Variants in POLR1D observed in about 807,000 individuals in gnomAD.
POLR1D encodes the protein DNA-directed RNA polymerases I and III subunit RPAC2.
In POLR1D, 8 loss-of-function variants were observed where a neutral mutation model predicts 10.8. The observed-to-expected ratio is 0.74, with a 90% CI of 0.43 to 1.33. The LOEUF (loss-of-function observed/expected upper bound fraction) is 1.33, where lower values mean the gene tolerates loss of function less well. Among genes scored for constraint, POLR1D ranks in the 40% most tolerant of loss-of-function variants. The probability of loss-of-function intolerance (pLI) is 0.01; values close to 1 mark genes in which losing one functional copy is unlikely to be tolerated. For synonymous variants in POLR1D, 54 were observed against 57.2 expected (o/e 0.94, Z 0.25); for missense variants, 152 against 161.7 (o/e 0.94, Z 0.32).
intron 2 of POLR1D, among the ~76,000 whole-genome samples, chr13:27,654,284 C>T (rs1956290636): frequency 6.6e-6 from 1 of 152,156 alleles, no homozygotes; most frequent in Non-Finnish European, 1.5e-5. Context: ...TTGGCTGGAT[C>T]TTCTACTTAT....
At chr13:27,636,498 C>G (rs1035005654) in intron 1 of POLR1D, among the ~76,000 whole-genome samples, 1 of 152,072 alleles carries the variant, frequency 6.6e-6, no homozygotes, top group African/African-American at 2.4e-5. Flanking sequence ...TGAAAAGATC[C>G]TTGAAACTTT....
intron 1 of POLR1D, among the ~76,000 whole-genome samples, chr13:27,642,732 C>T (rs1298882348): frequency 6.6e-6 from 1 of 152,148 alleles, no homozygotes; most frequent in African/African-American, 2.4e-5. Context: ...TATCATATTT[C>T]TTCTGCTTCC....
chr13:27,661,873 G>A (rs182340804), intron 2 of POLR1D, among the ~76,000 whole-genome samples: 3 of 152,254 alleles, frequency 2.0e-5, no homozygotes, highest in Admixed American at 2.0e-4. Flanking sequence ...AGGGTTTGTG[G>A]AACAGTTGGA....
intron 1 of POLR1D, among the ~76,000 whole-genome samples, chr13:27,642,356 C>T (rs1410545923): frequency 6.6e-6 from 1 of 152,192 alleles, no homozygotes; most frequent in Non-Finnish European, 1.5e-5. Context: ...TTTGATGACA[C>T]TAAGGATACG....
At chr13:27,645,274 G>A (rs1956209002) in intron 1 of POLR1D, among the ~76,000 whole-genome samples, 2 of 151,958 alleles carry the variant, frequency 1.3e-5, no homozygotes, top group Non-Finnish European at 2.9e-5. Context: ...TCCCCATTTA[G>A]TTTATTTTTT....
At chr13:27,632,671 A>G (rs1021927541) in intron 1 of POLR1D, among the ~76,000 whole-genome samples, 2 of 108,126 alleles carry the variant, frequency 1.8e-5, no homozygotes, top group African/African-American at 2.9e-5. Flanking sequence ...CCTACCTTGT[A>G]TTTTTTCTAT....
chr13:27,648,908 G>A (rs888616211), intron 2 of POLR1D, among the ~76,000 whole-genome samples: 14 of 152,166 alleles, frequency 9.2e-5, no homozygotes, highest in Admixed American at 6.5e-5. Context: ...TGCAGATTAT[G>A]TACAAAATAG....
chr13:27,628,501 A>T (rs79880919), intron 1 of POLR1D, among the ~76,000 whole-genome samples: 1,782 of 152,324 alleles, frequency 0.012, 31 homozygotes, highest in African/African-American at 0.039. Flanking sequence ...TGAGCAGAGA[A>T]ATACAAGAAG....
chr13:27,636,343 G>A (rs1265677099), intron 1 of POLR1D, among the ~76,000 whole-genome samples: 2 of 151,912 alleles, frequency 1.3e-5, no homozygotes, highest in African/African-American at 2.4e-5. Flanking sequence ...TAATTTCCTC[G>A]GTTTTATATG....
chr13:27,629,734 A>G (rs115834758), intron 1 of POLR1D, among the ~76,000 whole-genome samples: 163 of 152,312 alleles, frequency 1.1e-3, no homozygotes, highest in African/African-American at 3.8e-3. Context: ...TAAGATTCTG[A>G]TGGAACATTC....
At position 27,621,956 on chromosome 13, in the gene POLR1D, A is replaced by T; in HGVS notation, c.-28A>T. The T allele has an allele frequency of 2.5e-6, 4 of 1,586,084 alleles. No homozygotes were observed. Among genetic ancestry groups the T allele is most frequent in the Non-Finnish European group, 3.4e-6 (4 of 1,165,900 alleles). On this transcript the variant is annotated 5_prime_UTR_variant, in exon 1 of 2. Coordinates refer to ENST00000302979, the MANE Select transcript of POLR1D (RefSeq NM_015972.4). ...ACAGAGCCCCCGATCCGCCAGCACCACCTGAGGATCCAGAAACCGCCCCAG... is the reference window on the plus strand; with the variant it reads ...ACAGAGCCCCCGATCCGCCAGCACCTCCTGAGGATCCAGAAACCGCCCCAG...
rs1410266226 is a variant in POLR1D, at chr13:27,623,276, C to T, written c.*26C>T. 1 of 1,612,634 alleles carries T rather than the reference C, an allele frequency of 6.2e-7. No individual in the cohort carries two copies. Among genetic ancestry groups the T allele is most frequent in the South Asian group, 1.1e-5 (1 of 90,454 alleles). On this transcript the variant is annotated 3_prime_UTR_variant, in exon 2 of 2. Coordinates refer to ENST00000302979, the MANE Select transcript of POLR1D (RefSeq NM_015972.4). ...TCCTTTATGCAGTATACAAGGAGAA[C>T]TGTCCTGTAGGATATTCTCTTCCTG... is the stretch of plus-strand genomic sequence containing the variant.
At chr13:27,655,856 A>G (rs1956303625) in intron 2 of POLR1D, among the ~76,000 whole-genome samples, 1 of 142,606 alleles carries the variant, frequency 7.0e-6, no homozygotes, top group Non-Finnish European at 1.6e-5. Flanking sequence ...GGAGGAAGGA[A>G]GGGAGTGGAG....
At chr13:27,626,989 G>A (rs1262017300), downstream of POLR1D, among the ~76,000 whole-genome samples, 3 of 152,122 alleles carry the variant, frequency 2.0e-5, no homozygotes, top group East Asian at 3.9e-4. Flanking sequence ...ATCAAGTTCC[G>A]TGGCCTACCA....
chr13:27,632,165 G>A (rs1016038456), intron 1 of POLR1D, among the ~76,000 whole-genome samples: 11 of 152,142 alleles, frequency 7.2e-5, no homozygotes, highest in African/African-American at 2.7e-4. Flanking sequence ...GGTTTAAAAA[G>A]GTAGAATATC....
downstream of POLR1D, among the ~76,000 whole-genome samples, chr13:27,624,091 AT>A (rs1388619399): frequency 6.6e-6 from 1 of 152,106 alleles, no homozygotes; most frequent in Non-Finnish European, 1.5e-5. Context: ...GAAAACACAT[AT>A]CCCACCCGCC....
At chr13:27,639,874 C>T (rs963932270) in intron 1 of POLR1D, among the ~76,000 whole-genome samples, 2 of 152,094 alleles carry the variant, frequency 1.3e-5, no homozygotes, top group South Asian at 2.1e-4. Flanking sequence ...TCTCCTTGCC[C>T]CTCTCACTAG....
exon 3 of POLR1D, chr13:27,667,321 A>G (rs1456287539): frequency 6.6e-6 from 1 of 152,232 alleles, no homozygotes. Flanking sequence ...AAAATTTGAA[A>G]TGTTTTTTAT....
Position 27,622,084 on chromosome 13 carries a change from G to A in POLR1D, c.26+75G>A, listed in dbSNP as rs535641331. 10 of 1,315,956 alleles carry A rather than the reference G, an allele frequency of 7.6e-6. No homozygotes were observed. The East Asian group carries it at 2.5e-4, about 32-fold the overall frequency. 81.5% of individuals were successfully genotyped at this position (1,315,956 alleles called of 1,614,324 possible). ...GGGTGGCCGAGGGGCACGCTGCCTG[G>A]CCTGGCAGCCGGGGCCTGACTCGGG... On this transcript the variant is annotated intron_variant, in intron 1 of 1. Transcript: ENST00000302979.
Sources: allele counts gnomAD v4.1 joint callset (sites outside exome capture counted in the v4.1 genomes callset), GRCh38; gene constraint gnomAD v4.1.1; transcripts MANE v1.5; gene names NCBI Gene and HGNC (gene_info 2026-07-23, HGNC 2026-07-21).